The following INSR variants were observed in gnomAD, a reference collection of about 807,000 sequenced individuals.
INSR encodes insulin receptor.
In INSR, 67 loss-of-function variants were observed where a neutral mutation model predicts 142.6. The observed-to-expected ratio is 0.47, with a 90% CI of 0.39 to 0.58. The LOEUF is 0.58. Ranked by LOEUF, INSR falls within the 20% of genes least tolerant of loss-of-function variation. The pLI is 0.00. For missense variants in INSR, 1,248 were observed against 1,833.2 expected (o/e 0.68, Z 5.83); for synonymous variants, 756 against 743.1 (o/e 1.02, Z -0.28).
Position 7,116,121 on chromosome 19 carries a change from T to C in INSR, c.*935A>G, listed in dbSNP as rs535492016. ...TTTTTCCATTTTGTTTTTTCTTTCT[T>C]TTTCTTTTTTTTTTTTTAATGTCCT... On this transcript the variant is annotated 3_prime_UTR_variant, in exon 22 of 22. Coordinates refer to ENST00000302850, the MANE Select transcript of INSR (RefSeq NM_000208.4). 2.6e-5 allele frequency: 1 copy of C among 37,944 alleles called. No individual in the cohort carries two copies. The highest frequency in any genetic ancestry group is 1.4e-3 in the South Asian group (1 of 696). 2.4% of individuals were successfully genotyped at this position (37,944 alleles called of 1,614,324 possible).
Position 7,257,842 on chromosome 19 carries a change from A to G in INSR, c.652+9503T>C, listed in dbSNP as rs74255759. 0.012 allele frequency among the ~76,000 whole-genome samples: 1,844 copies of G among 152,270 alleles called. 93 individuals are homozygous for G. In the East Asian group the frequency reaches 0.17, roughly 14 times the overall value. On this transcript the variant is annotated intron_variant, in intron 2 of 21. Transcript: ENST00000302850. Reference sequence around the variant, plus strand: ...AATGCTGAATGTCCAGCTCATATATAGACAGAGTCTCACCCTGTCACCCAG... The same window carrying G: ...AATGCTGAATGTCCAGCTCATATATGGACAGAGTCTCACCCTGTCACCCAG...
chr19:7,145,286 A>G (rs1183997731), intron 11 of INSR, among the ~76,000 whole-genome samples: 2 of 152,146 alleles, frequency 1.3e-5, no homozygotes, highest in Non-Finnish European at 2.9e-5. Flanking sequence ...ACAATTTAAT[A>G]TATCAGTAAC....
At chr19:7,239,327 A>T (rs565289373) in intron 2 of INSR, among the ~76,000 whole-genome samples, 2 of 142,404 alleles carry the variant, frequency 1.4e-5, no homozygotes, top group East Asian at 4.6e-4. Flanking sequence ...CCAGGGAAAG[A>T]GGAGGAAGAG....
At chr19:7,285,410 ACTGCAGTCTGGC>A (rs1262664798) in intron 1 of INSR, among the ~76,000 whole-genome samples, 5 of 152,128 alleles carry the variant, frequency 3.3e-5, no homozygotes, top group African/African-American at 4.8e-5. Context: ...AGATCACACC[ACTGCAGTCTGGC>A]CTGGGCAACA....
intron 10 of INSR, 179 bp downstream of exon 10, chr19:7,152,547 C>G: frequency 1.5e-6 from 1 of 688,338 alleles, no homozygotes; most frequent in Non-Finnish European, 2.6e-6. Context: ...TGATAAAATT[C>G]CCCTCGAAAT....
intron 2 of INSR, among the ~76,000 whole-genome samples, chr19:7,256,103 CA>C (rs1482830736): frequency 1.3e-5 from 2 of 151,812 alleles, no homozygotes; most frequent in Non-Finnish European, 2.9e-5. Context: ...AAATTTCAAT[CA>C]AATTTTTAAA....
At chr19:7,163,394 A>C (rs935091155) in intron 8 of INSR, among the ~76,000 whole-genome samples, 195 bp from the exon 9 acceptor site, 6 of 152,044 alleles carry the variant, frequency 3.9e-5, no homozygotes, top group Non-Finnish European at 5.9e-5. Context: ...CCCCGTCTCT[A>C]CTAAAAATAC....
At chr19:7,182,945 T>C (rs1000916024) in intron 3 of INSR, among the ~76,000 whole-genome samples, 3 of 150,264 alleles carry the variant, frequency 2.0e-5, no homozygotes, top group East Asian at 1.9e-4. Context: ...AAAGTCTGTC[T>C]GGTATGAAAA....
At chr19:7,141,652 C>A in intron 13 of INSR, 25 bp downstream of exon 13, 1 of 1,613,910 alleles carries the variant, frequency 6.2e-7, no homozygotes, top group Non-Finnish European at 8.5e-7. Flanking sequence ...TGTGCAGGGG[C>A]ATGCCCAAGA....
chr19:7,198,924 C>T (rs1974872031), intron 2 of INSR, among the ~76,000 whole-genome samples: 1 of 152,018 alleles, frequency 6.6e-6, no homozygotes. Context: ...ACTCTGTCGC[C>T]TCAGGCTGGA....
Position 7,249,665 on chromosome 19 carries a change from T to C in INSR, c.652+17680A>G, listed in dbSNP as rs143925613. Among the ~76,000 whole-genome samples the C allele has an allele frequency of 9.5e-4, 145 of 152,006 alleles. 2 individuals are homozygous for C. In the East Asian group the frequency reaches 0.027, roughly 28 times the overall value. ...GAGTTCAAGACCAGCCTGGGCAATA[T>C]AGTGAGACTCCATCTGTACAAAAAA... On this transcript the variant is annotated intron_variant, in intron 2 of 21. Transcript: ENST00000302850.
chr19:7,234,439 C>G (rs1976094175), intron 2 of INSR, among the ~76,000 whole-genome samples: 1 of 152,128 alleles, frequency 6.6e-6, no homozygotes, highest in African/African-American at 2.4e-5. Context: ...AAGTCCTGGG[C>G]TCAAGTAATC....
At position 7,290,327 on chromosome 19, in the gene INSR, G is replaced by A. The variant is rs117489566; in HGVS notation, c.100+3465C>T. Among the ~76,000 whole-genome samples, 561 of 152,188 alleles carry A rather than the reference G, an allele frequency of 3.7e-3. 5 individuals are homozygous for A. The highest frequency in any genetic ancestry group is 0.014 in the Middle Eastern group (4 of 294). The stretch of plus-strand genomic sequence containing the variant: ...AGGCTAAAATAGGAGGATGGCTTGC[G>A]TCCAGGAGGTCGAGGCTGCAGTGAG... On this transcript the variant is annotated intron_variant, in intron 1 of 21. Transcript: ENST00000302850.
rs1480351544 is a variant in INSR at position 7,152,717 on chromosome 19, A to T, written c.2231+9T>A. 1.2e-6 allele frequency: 2 copies of T among 1,610,498 alleles called. No individual in the cohort carries two copies. The highest frequency in any genetic ancestry group is 1.7e-6 in the Non-Finnish European group (2 of 1,178,262). ...CACCCACTAAGAGAGCCCAGCGCCA[A>T]GTCCTGACCTGGGGACGAAAACCAC... On this transcript the variant is annotated intron_variant, in intron 10 of 21. Coordinates refer to ENST00000302850, the MANE Select transcript of INSR (RefSeq NM_000208.4).
In INSR at chr19:7,166,145, C is replaced by T. The variant is rs965395835; in HGVS notation, c.1861+9G>A. 1.4e-5 allele frequency: 22 copies of T among 1,613,752 alleles called. No homozygotes were observed. The highest frequency in any genetic ancestry group is 1.8e-5 in the Non-Finnish European group (21 of 1,179,944). ...CACATACGAATTCACATTCCCAAGA[C>T]ACACTCACTGGTGGCATCTGTCTGG... On this transcript the variant is annotated intron_variant, in intron 8 of 21. Coordinates refer to ENST00000302850, the MANE Select transcript of INSR (RefSeq NM_000208.4). The surrounding 1 kb of genome is among the most constrained non-coding windows in gnomAD (Gnocchi z 4.1).
rs906500232 is a variant in INSR at position 7,150,689 on chromosome 19, C to T, written c.2232-157G>A. On this transcript the variant is annotated intron_variant, in intron 10 of 21. Coordinates refer to ENST00000302850, the MANE Select transcript of INSR (RefSeq NM_000208.4). This position sits in a 1 kb window ranked among gnomAD's most constrained non-coding sequence, Gnocchi z 4.2. ...ATCACTTGCTAGACGGAGTGAGCTA[C>T]ATCTTCCCCAGCAGGTGCAGGGGTC... 1.4e-4 allele frequency among the ~76,000 whole-genome samples: 21 copies of T among 152,200 alleles called. No homozygotes were observed. Among genetic ancestry groups the T allele is most frequent in the African/African-American group, 5.1e-4 (21 of 41,444 alleles).
At chr19:7,135,057 G>C (rs1047475750) in intron 13 of INSR, among the ~76,000 whole-genome samples, 3 of 148,018 alleles carry the variant, frequency 2.0e-5, no homozygotes, top group Non-Finnish European at 3.0e-5. Flanking sequence ...ACATTTAGGA[G>C]GGGGGTGGAG....
At chr19:7,237,105 T>A (rs905821770) in intron 2 of INSR, among the ~76,000 whole-genome samples, 7 of 151,190 alleles carry the variant, frequency 4.6e-5, no homozygotes, top group Non-Finnish European at 8.8e-5. Context: ...GATAAAAGAC[T>A]ACAAATTGGG....
At chr19:7,286,927 G>C (rs773285381) in intron 1 of INSR, among the ~76,000 whole-genome samples, 12 of 151,716 alleles carry the variant, frequency 7.9e-5, no homozygotes, top group Non-Finnish European at 1.2e-4. Context: ...GCTCACTGCA[G>C]CCTTGCCCTT....
Sources: gnomAD v4.1 joint callset for allele counts (sites outside exome capture counted in the v4.1 genomes callset) on GRCh38, gnomAD v4.1.1 for gene constraint, Gnocchi (gnomAD v3.1) non-coding constraint, MANE v1.5 for transcripts, NCBI Gene and HGNC (gene_info 2026-07-23, HGNC 2026-07-21) for gene names.